The following BNC2 variants were observed in gnomAD, a reference collection of about 807,000 sequenced individuals.
BNC2 encodes the protein zinc finger protein basonuclin-2.
A neutral mutation model predicts 76.3 loss-of-function variants in BNC2; 20 were observed. The observed-to-expected ratio is 0.26, with a 90% confidence interval of 0.18 to 0.38. The LOEUF (loss-of-function observed/expected upper bound fraction) is 0.38. Among genes scored for constraint, BNC2 ranks in the 10% least tolerant of loss-of-function variants. The probability of loss-of-function intolerance (pLI) is 1.00; values close to 1 mark genes in which losing one functional copy is unlikely to be tolerated. For missense variants in BNC2, 1,382 were observed against 1,399.8 expected (o/e 0.99, Z 0.20); for synonymous variants, 582 against 514.8 (o/e 1.13, Z -1.77).
At chr9:16,546,736 C>A (rs1456058388) in intron 5 of BNC2, among the ~76,000 whole-genome samples, 1 of 152,232 alleles carries the variant, frequency 6.6e-6, no homozygotes, top group Non-Finnish European at 1.5e-5. Context: ...TTAAGTTAGT[C>A]TGTCAGTTCC....
At chr9:16,635,421 C>G (rs7019625) in intron 3 of BNC2, among the ~76,000 whole-genome samples, 1 of 152,016 alleles carries the variant, frequency 6.6e-6, no homozygotes, top group East Asian at 1.9e-4. Context: ...AGTCAATGTG[C>G]CACAAACTCT....
At chr9:16,728,540 A>T (rs905875761) in intron 2 of BNC2, among the ~76,000 whole-genome samples, 4 of 151,426 alleles carry the variant, frequency 2.6e-5, no homozygotes, top group South Asian at 2.1e-4. Flanking sequence ...TGATACTTAA[A>T]TTTTTTTTTA....
chr9:16,558,933 CAAA>C (rs574756487), intron 4 of BNC2, among the ~76,000 whole-genome samples: 6 of 81,194 alleles, frequency 7.4e-5, no homozygotes, highest in African/African-American at 4.4e-5. Flanking sequence ...GACTCCGTCT[CAAA>C]AAAAAAAAAA....
intron 5 of BNC2, among the ~76,000 whole-genome samples, chr9:16,467,699 G>T (rs1382015040): frequency 7.1e-6 from 1 of 141,490 alleles, no homozygotes; most frequent in Non-Finnish European, 1.5e-5. Flanking sequence ...GTGGGAGGGG[G>T]GAGGGATAGC....
intron 5 of BNC2, among the ~76,000 whole-genome samples, chr9:16,538,051 T>C (rs1383202558): frequency 6.6e-6 from 1 of 152,164 alleles, no homozygotes; most frequent in Admixed American, 6.5e-5. Flanking sequence ...ACTCCAGACG[T>C]CTCTTTGTCA....
At chr9:16,862,840 T>C (rs896412045) in intron 1 of BNC2, among the ~76,000 whole-genome samples, 1 of 152,008 alleles carries the variant, frequency 6.6e-6, no homozygotes, top group Non-Finnish European at 1.5e-5. Flanking sequence ...AAGACACTCA[T>C]GCTTTTTCTG....
chr9:16,456,489 C>T (rs1821451518), intron 5 of BNC2, among the ~76,000 whole-genome samples: 1 of 149,844 alleles, frequency 6.7e-6, no homozygotes, highest in Admixed American at 6.7e-5. Context: ...CGAGATCACA[C>T]CACTGCATTC....
chr9:16,781,206 C>T lies in BNC2; in HGVS notation c.4-42721G>A, dbSNP rs970943448. Among the ~76,000 whole-genome samples, 49 of 96,226 alleles carry T rather than the reference C, an allele frequency of 5.1e-4. 2 individuals carry two copies. Among genetic ancestry groups the T allele is most frequent in the Non-Finnish European group, 4.4e-5 (2 of 45,822 alleles). 63.1% of individuals were successfully genotyped at this position (96,226 alleles called of 152,430 possible). ...TGATACGCTTTTACTTGAACAGATA[C>T]AAAAAAGATTCATTTTCAAATTTGC... is the stretch of plus-strand genomic sequence containing the variant. On this transcript the variant is annotated intron_variant, in intron 1 of 6. Transcript: ENST00000380672.
chr9:16,438,747 A>G (rs948437150), intron 5 of BNC2, among the ~76,000 whole-genome samples: 5 of 152,188 alleles, frequency 3.3e-5, no homozygotes, highest in African/African-American at 1.2e-4. Flanking sequence ...AGGGAAAATC[A>G]TAACATTATC....
rs189034645 is a variant in BNC2 at position 16,817,275 on chromosome 9, T to G, written c.3+53371A>C. Among the ~76,000 whole-genome samples the G allele has an allele frequency of 9.2e-5, 14 of 152,302 alleles. No homozygotes were observed. The East Asian group carries it at 2.1e-3, about 23-fold the overall frequency. ...AACACTGCTGCCTGAACCATTAATG[T>G]TCTCCTCTCCTCGCAAAGTAATGTC... On this transcript the variant is annotated intron_variant, in intron 1 of 6. Coordinates refer to ENST00000380672, the MANE Select transcript of BNC2 (RefSeq NM_017637.6).
chr9:16,677,337 C>T (rs1332351933), intron 3 of BNC2, among the ~76,000 whole-genome samples: 2 of 152,170 alleles, frequency 1.3e-5, no homozygotes, highest in Non-Finnish European at 2.9e-5. Context: ...CTTTGGGTGG[C>T]TGAGGCTGGC....
chr9:16,799,621 CA>C lies in BNC2; in HGVS notation c.4-61137del, dbSNP rs948318054. 5.4e-4 allele frequency among the ~76,000 whole-genome samples: 82 copies of C among 151,564 alleles called. 3 individuals carry two copies. The highest frequency in any genetic ancestry group is 1.9e-3 in the African/African-American group (79 of 41,230). On this transcript the variant is annotated intron_variant, in intron 1 of 6. Transcript: ENST00000380672. ...CAATAACAAGAAGGGCAAAATAGCC[CA>C]AAAAAAAATTAATCCCATTGTATTT...
At chr9:16,622,440 T>A (rs1479983073) in intron 3 of BNC2, among the ~76,000 whole-genome samples, 1 of 152,240 alleles carries the variant, frequency 6.6e-6, no homozygotes, top group South Asian at 2.1e-4. Context: ...ATGCCTTAAG[T>A]GGATGTGGAT....
chr9:16,742,461 G>C (rs935453281), intron 1 of BNC2, among the ~76,000 whole-genome samples: 1 of 152,182 alleles, frequency 6.6e-6, no homozygotes, highest in African/African-American at 2.4e-5. Context: ...GGAGAGCAGG[G>C]AAATGATGGG....
intron 3 of BNC2, among the ~76,000 whole-genome samples, chr9:16,688,508 T>C (rs576660883): frequency 6.6e-6 from 1 of 152,222 alleles, no homozygotes; most frequent in Non-Finnish European, 1.5e-5. Context: ...TTCCGTTTTA[T>C]CCACTTTTCC....
At chr9:16,777,952 T>C (rs897171309) in intron 1 of BNC2, among the ~76,000 whole-genome samples, 3 of 152,084 alleles carry the variant, frequency 2.0e-5, no homozygotes, top group African/African-American at 7.2e-5. Context: ...AAAACAGCAA[T>C]TAAACAAAAC....
At chr9:16,853,057 G>C (rs573026456) in intron 1 of BNC2, among the ~76,000 whole-genome samples, 1 of 152,180 alleles carries the variant, frequency 6.6e-6, no homozygotes, top group African/African-American at 2.4e-5. Flanking sequence ...TCAACCTGTG[G>C]ATAGTCTTCT....
chr9:16,614,958 T>TAAAAAAAA (rs60545823), intron 3 of BNC2, among the ~76,000 whole-genome samples: 1 of 62,518 alleles, frequency 1.6e-5, no homozygotes, highest in Non-Finnish European at 3.0e-5. Flanking sequence ...TCTGTCTCTT[T>TAAAAAAAA]AAAAAAAAAA....
intron 5 of BNC2, among the ~76,000 whole-genome samples, chr9:16,463,192 T>C (rs1821622390): frequency 6.6e-6 from 1 of 152,064 alleles, no homozygotes; most frequent in African/African-American, 2.4e-5. Flanking sequence ...TTTCAGGAGA[T>C]TGAATGAGAG....
Sources: gnomAD v4.1 joint callset for allele counts (sites outside exome capture counted in the v4.1 genomes callset) on GRCh38, gnomAD v4.1.1 for gene constraint, MANE v1.5 for transcripts, NCBI Gene and HGNC (gene_info 2026-07-23, HGNC 2026-07-21) for gene names.